Variants in XYLT1 observed in about 807,000 individuals in gnomAD.
XYLT1 encodes beta-D-xylosyltransferase 1.
Under a neutral mutation model 91.3 loss-of-function variants are expected in XYLT1, and 36 were observed. The observed-to-expected ratio is 0.39, with a 90% CI of 0.30 to 0.52. The LOEUF (loss-of-function observed/expected upper bound fraction) is 0.52, where lower values mean the gene tolerates loss of function less well. Ranked by LOEUF, XYLT1 falls within the 20% of genes least tolerant of loss-of-function variation. XYLT1 has a pLI of 0.68. For missense variants in XYLT1, 1,242 were observed against 1,284.5 expected, an observed-to-expected ratio of 0.97 and a Z score of 0.51; for synonymous variants, 588 against 532.0, an observed-to-expected ratio of 1.11 and a Z score of -1.45.
Position 17,316,216 on chromosome 16 carries a change from T to C in XYLT1, c.402+41796A>G, listed in dbSNP as rs530703287. Among the ~76,000 whole-genome samples the C allele has an allele frequency of 2.6e-5, 4 of 152,176 alleles. No individual in the cohort carries two copies. The East Asian group carries it at 7.7e-4, about 29-fold the overall frequency. ...ATTGACTCAGTCTTTGAACACCACA[T>C]GGAGAAGAGATATTTACACATGTCA... On this transcript the variant is annotated intron_variant, in intron 2 of 11. Coordinates refer to ENST00000261381, the MANE Select transcript of XYLT1 (RefSeq NM_022166.4).
chr16:17,350,680 T>A (rs567169755), intron 2 of XYLT1, among the ~76,000 whole-genome samples: 6 of 151,500 alleles, frequency 4.0e-5, no homozygotes, highest in African/African-American at 1.5e-4. Context: ...AGTCTCACCA[T>A]CCTCTCAACA....
intron 1 of XYLT1, among the ~76,000 whole-genome samples, chr16:17,387,128 G>A (rs553895500): frequency 1.3e-5 from 2 of 152,218 alleles, no homozygotes; most frequent in African/African-American, 4.8e-5. Flanking sequence ...CTGACCCCCA[G>A]GTGTCCATAT....
intron 1 of XYLT1, among the ~76,000 whole-genome samples, chr16:17,454,339 C>T (rs2036706531): frequency 6.6e-6 from 1 of 152,116 alleles, no homozygotes; most frequent in African/African-American, 2.4e-5. Flanking sequence ...TGAACAATTA[C>T]AACTCTGTGA....
At chr16:17,204,966 C>CAAA (rs530525798) in intron 3 of XYLT1, among the ~76,000 whole-genome samples, 30 of 81,252 alleles carry the variant, frequency 3.7e-4, no homozygotes, top group East Asian at 1.1e-3. Flanking sequence ...TGCCCAGCTC[C>CAAA]AAAAAAAAAA....
intron 5 of XYLT1, chr16:17,194,010 T>C (rs1418913039): frequency 6.6e-6 from 1 of 152,110 alleles, no homozygotes; most frequent in African/African-American, 2.4e-5. Context: ...CCTGGGGCAC[T>C]AAAGCAAAAA....
At chr16:17,331,250 T>A (rs2034895350) in intron 2 of XYLT1, among the ~76,000 whole-genome samples, 1 of 152,218 alleles carries the variant, frequency 6.6e-6, no homozygotes, top group South Asian at 2.1e-4. Context: ...CATGCCGGCC[T>A]CAATCCCAGG....
intron 2 of XYLT1, among the ~76,000 whole-genome samples, chr16:17,356,058 T>C (rs1004510904): frequency 5.3e-5 from 8 of 151,664 alleles, no homozygotes; most frequent in Non-Finnish European, 1.0e-4. Context: ...CTGTGTGTTG[T>C]AGGATATTTA....
At chr16:17,165,740 T>G (rs964734664) in intron 5 of XYLT1, among the ~76,000 whole-genome samples, 4 of 152,178 alleles carry the variant, frequency 2.6e-5, no homozygotes, top group South Asian at 2.1e-4. Flanking sequence ...GCCCTAGTGA[T>G]GGACACTTAG....
At chr16:17,152,269 G>T (rs977930537) in intron 6 of XYLT1, among the ~76,000 whole-genome samples, 1 of 152,190 alleles carries the variant, frequency 6.6e-6, no homozygotes, top group Non-Finnish European at 1.5e-5. Context: ...AAAAACACAC[G>T]CTGAGGCCCA....
At chr16:17,140,658 C>CAAAAAAAA (rs71137974) in intron 7 of XYLT1, among the ~76,000 whole-genome samples, 36 of 68,028 alleles carry the variant, frequency 5.3e-4, no homozygotes, top group African/African-American at 2.1e-3. Flanking sequence ...AAGACTGTCT[C>CAAAAAAAA]AAAAAAAAAA....
chr16:17,144,317 C>G (rs1415953335), intron 6 of XYLT1, among the ~76,000 whole-genome samples: 1 of 152,166 alleles, frequency 6.6e-6, no homozygotes, highest in Non-Finnish European at 1.5e-5. Flanking sequence ...GTGGTGGGTA[C>G]AGTGAAAGAC....
At chr16:17,254,363 C>T (rs2033595390) in intron 3 of XYLT1, among the ~76,000 whole-genome samples, 1 of 152,124 alleles carries the variant, frequency 6.6e-6, no homozygotes, top group African/African-American at 2.4e-5. Flanking sequence ...ATTTTCTTAA[C>T]TTCTTTTCTC....
intron 3 of XYLT1, among the ~76,000 whole-genome samples, chr16:17,208,314 C>A (rs1241065430): frequency 6.6e-6 from 1 of 151,640 alleles, no homozygotes; most frequent in African/African-American, 2.4e-5. Context: ...CTGTCACAGC[C>A]CCTCTGAACA....
chr16:17,178,385 A>G (rs7197587), intron 5 of XYLT1, among the ~76,000 whole-genome samples: 75,317 of 151,902 alleles, frequency 0.5, 20,491 homozygotes, highest in African/African-American at 0.71. Context: ...GATCTCCATC[A>G]CTCATTCTCT....
At chr16:17,205,147 G>A (rs1190730906) in intron 3 of XYLT1, among the ~76,000 whole-genome samples, 1 of 152,238 alleles carries the variant, frequency 6.6e-6, no homozygotes, top group African/African-American at 2.4e-5. Flanking sequence ...CAGTGCAGGT[G>A]TGAAGGCTGA....
At chr16:17,417,504 C>T (rs1185668675) in intron 1 of XYLT1, among the ~76,000 whole-genome samples, 2 of 152,012 alleles carry the variant, frequency 1.3e-5, no homozygotes, top group Non-Finnish European at 1.5e-5. Flanking sequence ...TGCTCATCTC[C>T]CAGAGCCTCC....
At position 17,439,300 on chromosome 16, in the gene XYLT1, CCAAA is replaced by C. The variant is rs746638473; in HGVS notation, c.363+31130_363+31133del. On this transcript the variant is annotated intron_variant, in intron 1 of 11. Coordinates refer to ENST00000261381, the MANE Select transcript of XYLT1 (RefSeq NM_022166.4). ...TGGTCACACAGAGTTCCAGTTATCC[CCAAA>C]CAAAGTTGACGGACAGATGGGTGAA... 2.3e-4 allele frequency among the ~76,000 whole-genome samples: 35 copies of C among 152,162 alleles called. 1 individual carries two copies. In the South Asian group the frequency reaches 2.5e-3, roughly 11 times the overall value.
intron 2 of XYLT1, among the ~76,000 whole-genome samples, chr16:17,300,945 GC>G (rs2034386595): frequency 6.6e-6 from 1 of 152,110 alleles, no homozygotes; most frequent in South Asian, 2.1e-4. Context: ...TTTCTCATTA[GC>G]TGTGCAACTC....
At chr16:17,444,322 G>A (rs1046151283) in intron 1 of XYLT1, among the ~76,000 whole-genome samples, 1 of 151,998 alleles carries the variant, frequency 6.6e-6, no homozygotes, top group Admixed American at 6.6e-5. Context: ...GGAGTATAGG[G>A]ACCTTTTCTA....
Sources: allele counts gnomAD v4.1 joint callset (sites outside exome capture counted in the v4.1 genomes callset), GRCh38; gene constraint gnomAD v4.1.1; transcripts MANE v1.5; gene names NCBI Gene and HGNC (gene_info 2026-07-23, HGNC 2026-07-21).